ZFHX3: variants seen among roughly 807,000 people sequenced by gnomAD.
The protein encoded by ZFHX3 is zinc finger homeobox protein 3.
In ZFHX3, 42 loss-of-function variants were observed where a neutral mutation model predicts 279.1. The ratio of observed to expected loss-of-function variants is 0.15; its 90% CI spans 0.12 to 0.19. ZFHX3 has a LOEUF of 0.19. Ranked by LOEUF, ZFHX3 falls within the 10% of genes least tolerant of loss-of-function variation. The pLI, the probability that ZFHX3 is intolerant of heterozygous loss-of-function variation, is 1.00. For missense variants in ZFHX3, 4,981 were observed against 4,754.0 expected, an observed-to-expected ratio of 1.05 and a Z score of -1.40; for synonymous variants, 2,293 against 1,957.8, an observed-to-expected ratio of 1.17 and a Z score of -4.52.
chr16:73,890,250 A>C (rs1268290648), intron 1 of ZFHX3, among the ~76,000 whole-genome samples: 14 of 151,288 alleles, frequency 9.3e-5, no homozygotes, highest in Non-Finnish European at 1.5e-4. Context: ...CAAAAAAAAA[A>C]AAAACAACAA....
chr16:73,789,135 ATATC>A (rs1372483665), intron 1 of ZFHX3, among the ~76,000 whole-genome samples: 1 of 151,620 alleles, frequency 6.6e-6, no homozygotes, highest in East Asian at 1.9e-4. Context: ...TATATGATAG[ATATC>A]TATCATATAG....
rs989644068 is a variant in ZFHX3, at chr16:73,558,709, CTTTT to C, written c.-1546-102455_-1546-102452del. Among the ~76,000 whole-genome samples, 90 of 90,500 alleles carry C rather than the reference CTTTT, an allele frequency of 9.9e-4. 1 individual carries two copies. The highest frequency in any genetic ancestry group is 3.2e-3 in the African/African-American group (72 of 22,204). 59.4% of individuals were successfully genotyped at this position (90,500 alleles called of 152,430 possible). ...CGCACATACACAGAAGAAAATGACTCTTTTTTTTTTTTTTTTTTTTTTTGAGACA... is the reference window on the plus strand; with the variant it reads ...CGCACATACACAGAAGAAAATGACTCTTTTTTTTTTTTTTTTTTTGAGACA... On this transcript the variant is annotated intron_variant, in intron 2 of 17. Transcript: ENST00000641206.
At position 73,082,909 on chromosome 16, in the gene ZFHX3, C is replaced by T. The variant is rs140549616; in HGVS notation, c.-533+10326G>A. Among the ~76,000 whole-genome samples the T allele has an allele frequency of 3.4e-4, 52 of 151,858 alleles. 1 individual carries two copies. The East Asian group carries it at 5.0e-3, about 15-fold the overall frequency. Reference sequence around the variant, plus strand: ...CAAAACAAAACAAAACCTGGCCAGGCGCAGTGGCTCATGCCTGTAATCTTA... The same window carrying T: ...CAAAACAAAACAAAACCTGGCCAGGTGCAGTGGCTCATGCCTGTAATCTTA... On this transcript the variant is annotated intron_variant, in intron 8 of 17. Coordinates refer to the ZFHX3 transcript ENST00000641206.
chr16:73,539,488 G>C (rs1273905089), intron 2 of ZFHX3, among the ~76,000 whole-genome samples: 1 of 97,516 alleles, frequency 1.0e-5, no homozygotes, highest in Non-Finnish European at 1.9e-5. Flanking sequence ...TTATACCGCT[G>C]TTTATTACCT....
intron 3 of ZFHX3, among the ~76,000 whole-genome samples, chr16:73,331,122 GA>G (rs567934995): frequency 2.0e-3 from 304 of 152,298 alleles, no homozygotes; most frequent in Non-Finnish European, 3.5e-3. Context: ...GGTGGAAGGG[GA>G]AGCAAACACA....
intron 5 of ZFHX3, among the ~76,000 whole-genome samples, chr16:73,157,183 C>T (rs1411806167): frequency 6.6e-6 from 1 of 152,116 alleles, no homozygotes; most frequent in African/African-American, 2.4e-5. Flanking sequence ...AGGGCTGTCT[C>T]CTTTAGTTCC....
chr16:73,841,389 A>G (rs1021309286), intron 1 of ZFHX3, among the ~76,000 whole-genome samples: 1 of 152,124 alleles, frequency 6.6e-6, no homozygotes, highest in African/African-American at 2.4e-5. Context: ...AGAGCCATAG[A>G]CTGCAGGGGA....
intron 5 of ZFHX3, among the ~76,000 whole-genome samples, chr16:73,206,305 T>C (rs2011799688): frequency 6.6e-6 from 1 of 152,188 alleles, no homozygotes; most frequent in African/African-American, 2.4e-5. Context: ...CACTTCAAGA[T>C]CTTGCTGTGC....
chr16:73,837,372 G>T (rs940529248), intron 1 of ZFHX3, among the ~76,000 whole-genome samples: 47 of 152,098 alleles, frequency 3.1e-4, no homozygotes, highest in African/African-American at 1.0e-3. Context: ...TGACTAACAG[G>T]CTGTGATCTT....
Position 73,453,310 on chromosome 16 carries a change from C to A in ZFHX3, c.-1291+2693G>T, listed in dbSNP as rs572241748. On this transcript the variant is annotated intron_variant, in intron 3 of 17. Coordinates refer to the ZFHX3 transcript ENST00000641206. ...TTCCATCCCCCTGAATCTGAACTGA[C>A]CTGTGACTGCTTTGTGTAATTGGAT... Among the ~76,000 whole-genome samples the A allele has an allele frequency of 2.0e-5, 3 of 152,328 alleles. No homozygotes were observed. The East Asian group carries it at 5.8e-4, about 29-fold the overall frequency.
In ZFHX3 at chr16:72,788,662, GGTTGCTGCT is replaced by G. The variant is rs780973555; in HGVS notation, c.9605_9613del (p.Gln3202_Gln3204del). 1 of 1,607,120 alleles carries G rather than the reference GGTTGCTGCT, an allele frequency of 6.2e-7. No homozygotes were observed. Among genetic ancestry groups the G allele is most frequent in the East Asian group, 2.3e-5 (1 of 44,442 alleles). On this transcript the variant is annotated inframe_deletion, in exon 10 of 10. Coordinates refer to ENST00000268489, the MANE Select transcript of ZFHX3 (RefSeq NM_006885.4). ...CGGCGGGGGAGGCTGCTGCACCTGT[GGTTGCTGCT>G]GCTGCTGCTGCTGCTGGGGGGGTTG...
intron 1 of ZFHX3, among the ~76,000 whole-genome samples, chr16:73,811,592 G>T (rs895334788): frequency 1.3e-5 from 2 of 151,780 alleles, no homozygotes; most frequent in African/African-American, 4.8e-5. Context: ...CTACAGGCAC[G>T]CGCGCCAACA....
chr16:73,824,381 C>A, intron 1 of ZFHX3, among the ~76,000 whole-genome samples: 1 of 112,164 alleles, frequency 8.9e-6, no homozygotes, highest in East Asian at 3.9e-4. Flanking sequence ...CAAATAATTT[C>A]TTTTTTTTTT....
intron 5 of ZFHX3, among the ~76,000 whole-genome samples, chr16:73,238,407 A>G (rs967116552): frequency 1.3e-5 from 2 of 151,796 alleles, no homozygotes; most frequent in African/African-American, 2.4e-5. Flanking sequence ...ACCCCAAATC[A>G]TCCCCAAACC....
At chr16:73,782,666 A>T (rs1203068527) in intron 1 of ZFHX3, among the ~76,000 whole-genome samples, 1 of 152,160 alleles carries the variant, frequency 6.6e-6, no homozygotes, top group African/African-American at 2.4e-5. Context: ...AGCAGGAGTG[A>T]CAAGCTTAAC....
chr16:73,427,845 A>G (rs2017839453), intron 3 of ZFHX3, among the ~76,000 whole-genome samples: 1 of 151,868 alleles, frequency 6.6e-6, no homozygotes, highest in South Asian at 2.1e-4. Flanking sequence ...CGGGAGGCTG[A>G]GGCAGGAGAA....
intron 1 of ZFHX3, among the ~76,000 whole-genome samples, chr16:73,804,544 C>T (rs1228062515): frequency 6.6e-6 from 1 of 152,182 alleles, no homozygotes; most frequent in Non-Finnish European, 1.5e-5. Context: ...CCGCACCTTT[C>T]TTTCCCTTCT....
At chr16:72,825,654 T>C (rs1217233471) in intron 5 of ZFHX3, among the ~76,000 whole-genome samples, 1 of 152,240 alleles carries the variant, frequency 6.6e-6, no homozygotes, top group Non-Finnish European at 1.5e-5. Context: ...AGCTCTAGAA[T>C]GGTGCCTGGC....
intron 5 of ZFHX3, among the ~76,000 whole-genome samples, chr16:73,203,542 A>G (rs2011682664): frequency 6.6e-6 from 1 of 152,198 alleles, no homozygotes; most frequent in Admixed American, 6.5e-5. Context: ...TTTCTGTTCC[A>G]TAAACATTTA....
Sources: gnomAD v4.1 joint callset for allele counts (sites outside exome capture counted in the v4.1 genomes callset) on GRCh38, gnomAD v4.1.1 for gene constraint, MANE v1.5 for transcripts, NCBI Gene and HGNC (gene_info 2026-07-23, HGNC 2026-07-21) for gene names.